Variants in SFMBT1 observed in about 807,000 individuals in gnomAD.
SFMBT1 encodes the protein Scm like with four mbt domains 1.
A neutral mutation model predicts 108.7 loss-of-function variants in SFMBT1; 32 were observed. The observed-to-expected ratio is 0.29, with a 90% CI of 0.22 to 0.40. SFMBT1 has a LOEUF of 0.40. Among genes scored for constraint, SFMBT1 ranks in the 10% least tolerant of loss-of-function variants. The pLI, the probability that SFMBT1 is intolerant of heterozygous loss-of-function variation, is 1.00. For synonymous variants in SFMBT1, 348 were observed against 369.5 expected, an observed-to-expected ratio of 0.94 and a Z score of 0.67; for missense variants, 816 against 1,059.6, an observed-to-expected ratio of 0.77 and a Z score of 3.19.
At chr3:52,982,296 G>A (rs1156858383) in intron 1 of SFMBT1, among the ~76,000 whole-genome samples, 4 of 152,150 alleles carry the variant, frequency 2.6e-5, no homozygotes, top group African/African-American at 9.7e-5. Context: ...AAGCCATCAA[G>A]CCTGAAACAA....
intron 4 of SFMBT1, among the ~76,000 whole-genome samples, chr3:52,941,826 G>C (rs1703193684): frequency 6.6e-6 from 1 of 151,982 alleles, no homozygotes; most frequent in African/African-American, 2.4e-5. Context: ...TTGAACCTGG[G>C]AGTTCAAGGA....
At chr3:53,027,712 G>C (rs1413810949) in intron 1 of SFMBT1, among the ~76,000 whole-genome samples, 1 of 152,214 alleles carries the variant, frequency 6.6e-6, no homozygotes, top group East Asian at 1.9e-4. Flanking sequence ...ATGGATGGAA[G>C]AATGAGAAAG....
chr3:53,032,404 G>T (rs1289473257), intron 1 of SFMBT1, among the ~76,000 whole-genome samples: 1 of 152,028 alleles, frequency 6.6e-6, no homozygotes, highest in Non-Finnish European at 1.5e-5. Flanking sequence ...TGATATCCTT[G>T]GGATGGACAG....
At chr3:52,926,960 T>G (rs139349485) in intron 9 of SFMBT1, among the ~76,000 whole-genome samples, 6 of 152,290 alleles carry the variant, frequency 3.9e-5, no homozygotes, top group African/African-American at 1.4e-4. Flanking sequence ...ACAGTACATT[T>G]TCTGCCATTT....
chr3:52,995,970 C>T (rs1278282623), intron 1 of SFMBT1, among the ~76,000 whole-genome samples: 1 of 148,410 alleles, frequency 6.7e-6, no homozygotes, highest in African/African-American at 2.4e-5. Context: ...ACTTAGGAGG[C>T]TGAGGCAGAA....
intron 1 of SFMBT1, among the ~76,000 whole-genome samples, chr3:53,002,401 TAAAAAAA>T (rs36044342): frequency 3.7e-5 from 4 of 106,938 alleles, no homozygotes; most frequent in African/African-American, 1.4e-4. Context: ...TCCGTCTCAA[TAAAAAAA>T]AAAAAAAAAA....
At chr3:53,025,942 A>C (rs1278109168) in intron 1 of SFMBT1, among the ~76,000 whole-genome samples, 1 of 152,196 alleles carries the variant, frequency 6.6e-6, no homozygotes, top group Non-Finnish European at 1.5e-5. Context: ...AGCACTTGAA[A>C]ACTGATTTTG....
chr3:52,933,489 C>T (rs929355788), intron 5 of SFMBT1, among the ~76,000 whole-genome samples: 3 of 152,124 alleles, frequency 2.0e-5, no homozygotes, highest in African/African-American at 7.2e-5. Context: ...GTAAAAACTG[C>T]TCTGTGACAC....
chr3:53,036,954 A>G (rs1240102177), intron 1 of SFMBT1, among the ~76,000 whole-genome samples: 3 of 152,096 alleles, frequency 2.0e-5, no homozygotes, highest in Non-Finnish European at 4.4e-5. Context: ...TGGGGCTGGG[A>G]CTCTGGGAGA....
intron 2 of SFMBT1, among the ~76,000 whole-genome samples, chr3:52,960,657 C>T (rs1011705826): frequency 2.6e-4 from 40 of 151,832 alleles, no homozygotes; most frequent in African/African-American, 9.4e-4. Flanking sequence ...CTATGCATGT[C>T]TGTGTATATA....
intron 12 of SFMBT1, among the ~76,000 whole-genome samples, chr3:52,920,011 G>A (rs1702472284): frequency 6.6e-6 from 1 of 152,204 alleles, no homozygotes; most frequent in African/African-American, 2.4e-5. Flanking sequence ...GATCCACAGA[G>A]CTAGTAGTCC....
At position 52,928,336 on chromosome 3, in the gene SFMBT1, A is replaced by G. The variant is rs774954399; in HGVS notation, c.903T>C (p.Phe301=). ...GISPATVVKV[F]DEKYFLVEMD... is the part of the protein sequence containing the mutation. ...TTTCCACCAGAAAGTACTTCTCATC[A>G]AAAACCTATACATGCAATTAATAGA... Residue 301 remains phenylalanine (F), a synonymous_variant, in exon 9 of 21, where the codon TTT becomes TTC. Transcript: ENST00000394752. The G allele has an allele frequency of 1.2e-6, 2 of 1,613,434 alleles. No individual in the cohort carries two copies. The highest frequency in any genetic ancestry group is 1.1e-5 in the South Asian group (1 of 91,064).
intron 5 of SFMBT1, among the ~76,000 whole-genome samples, chr3:52,934,282 A>G (rs901766260): frequency 1.3e-5 from 2 of 152,216 alleles, no homozygotes; most frequent in African/African-American, 4.8e-5. Flanking sequence ...GTGACAAGAT[A>G]TAACTTAGAA....
intron 4 of SFMBT1, among the ~76,000 whole-genome samples, chr3:52,935,301 G>A (rs988299658): frequency 6.6e-6 from 1 of 152,200 alleles, no homozygotes; most frequent in Non-Finnish European, 1.5e-5. Flanking sequence ...GGATTTACAA[G>A]CTACAACTCG....
chr3:52,911,026 G>C lies in SFMBT1; in HGVS notation c.1883C>G (p.Ser628Cys), dbSNP rs1424896492. 1 of 1,614,158 alleles carries C rather than the reference G, an allele frequency of 6.2e-7. No individual in the cohort carries two copies. Among genetic ancestry groups the C allele is most frequent in the Non-Finnish European group, 8.5e-7 (1 of 1,180,014 alleles). ...MVLDKCSENC[S>C]VLTKTKYTHY... is the part of the protein sequence containing the mutation. Reference sequence around the variant, plus strand: ...ACTGTATTTGGTCTTTGTAAGTACAGAACAGTTCTCAGAACACTTATCCAG... The same window carrying C: ...ACTGTATTTGGTCTTTGTAAGTACACAACAGTTCTCAGAACACTTATCCAG... The change falls in exon 17 of 21, where the codon TCT becomes TGT. Residue 628 changes from serine (S) to cysteine (C), a missense_variant. By Grantham distance (112) the Ser-to-Cys change is moderately radical (BLOSUM62 -1). Transcript: ENST00000394752.
chr3:53,001,925 T>TCACTCTCACA (rs1553642304), intron 1 of SFMBT1, among the ~76,000 whole-genome samples: 1 of 129,132 alleles, frequency 7.7e-6, no homozygotes, highest in Non-Finnish European at 1.7e-5. Context: ...ACCCAGTCTC[T>TCACTCTCACA]CACACACACA....
Position 52,996,206 on chromosome 3 carries a change from CTTTTTTTTTTTT to C in SFMBT1, c.-130-26960_-130-26949del, listed in dbSNP as rs35167235. Among the ~76,000 whole-genome samples the C allele has an allele frequency of 6.7e-4, 59 of 88,128 alleles. 2 individuals are homozygous for C. The highest frequency in any genetic ancestry group is 2.5e-3 in the African/African-American group (55 of 21,578). The allele number at this position is 88,128 out of a possible 152,430, so 57.8% of individuals were successfully genotyped here. A position where few individuals can be genotyped will look rare whatever the true frequency, so the allele number is the denominator to read the frequency against. On this transcript the variant is annotated intron_variant, in intron 1 of 20. Transcript: ENST00000394752. Reference sequence around the variant, plus strand: ...AAAAAGCTCTTAAAAATAAACAATCCTTTTTTTTTTTTTTTTTTTTTTTGAGACAGGGTCTCC... The same window carrying C: ...AAAAAGCTCTTAAAAATAAACAATCCTTTTTTTTTTTGAGACAGGGTCTCC...
chr3:52,981,721 G>A (rs1441493403), intron 1 of SFMBT1, among the ~76,000 whole-genome samples: 5 of 151,874 alleles, frequency 3.3e-5, no homozygotes, highest in Non-Finnish European at 7.4e-5. Context: ...TATTTTGGGG[G>A]AAAATGTGCT....
At chr3:52,959,495 T>A (rs1022769468) in intron 2 of SFMBT1, among the ~76,000 whole-genome samples, 20 of 152,118 alleles carry the variant, frequency 1.3e-4, no homozygotes, top group African/African-American at 4.8e-4. Flanking sequence ...CACACTCGGG[T>A]GACAATGAGG....
Sources: gnomAD v4.1 joint callset for allele counts (sites outside exome capture counted in the v4.1 genomes callset) on GRCh38, gnomAD v4.1.1 for gene constraint, MANE v1.5 for transcripts, NCBI Gene and HGNC (gene_info 2026-07-23, HGNC 2026-07-21) for gene names.